Variants in PLS1 observed in about 807,000 individuals in gnomAD.
PLS1 encodes plastin 1, also known as plastin-1.
A neutral mutation model predicts 73.7 loss-of-function variants in PLS1; 32 were observed. That is an observed-to-expected ratio of 0.43 (90% CI 0.33 to 0.58). The LOEUF (loss-of-function observed/expected upper bound fraction) is 0.58, where lower values mean the gene tolerates loss of function less well. Ranked by LOEUF, PLS1 falls within the 20% of genes least tolerant of loss-of-function variation. The pLI is 0.04. For synonymous variants in PLS1, 217 were observed against 261.3 expected, an observed-to-expected ratio of 0.83 and a Z score of 1.63; for missense variants, 633 against 740.5, an observed-to-expected ratio of 0.85 and a Z score of 1.68.
At chr3:142,676,809 T>C (rs1019189113) in intron 5 of PLS1, among the ~76,000 whole-genome samples, 4 of 152,190 alleles carry the variant, frequency 2.6e-5, no homozygotes, top group Non-Finnish European at 5.9e-5. Context: ...GCATACTTCT[T>C]TGGACAAAGC....
chr3:142,702,388 A>G (rs2038349453), intron 12 of PLS1, among the ~76,000 whole-genome samples: 1 of 152,204 alleles, frequency 6.6e-6, no homozygotes, highest in African/African-American at 2.4e-5. Context: ...ATATATTTGT[A>G]CAAATTCTTT....
intron 4 of PLS1, among the ~76,000 whole-genome samples, chr3:142,674,139 GGT>G (rs2107854278): frequency 6.6e-6 from 1 of 152,084 alleles, no homozygotes; most frequent in East Asian, 1.9e-4. Context: ...ATATATTTCT[GGT>G]GGTGTGTGTA....
In PLS1 at chr3:142,686,284, G is replaced by A; in HGVS notation, c.889G>A (p.Asp297Asn). The change falls in exon 9 of 16, where the codon GAC becomes AAC. Residue 297 changes from aspartate (D) to asparagine (N), a missense_variant and splice_region_variant. Coordinates refer to ENST00000457734, the MANE Select transcript of PLS1 (RefSeq NM_001145319.2). Reference protein sequence around the residue: ...TISNFSQDIKDSRAYFHLLNQ... With the variant: ...TISNFSQDIKNSRAYFHLLNQ... ...TGCTATTTCATATCTTTCCTTGAAG[G>A]ACTCGAGAGCCTATTTTCATCTGCT... 5.7e-6 allele frequency: 9 copies of A among 1,570,386 alleles called. No individual in the cohort carries two copies. The highest frequency in any genetic ancestry group is 7.9e-6 in the Non-Finnish European group (9 of 1,141,780).
chr3:142,610,246 T>C (rs943381723), intron 1 of PLS1, among the ~76,000 whole-genome samples: 21 of 152,214 alleles, frequency 1.4e-4, no homozygotes, highest in African/African-American at 4.8e-4. Flanking sequence ...TATTCTCCAG[T>C]TCCATCAACT....
intron 1 of PLS1, among the ~76,000 whole-genome samples, chr3:142,657,945 C>A (rs995501808): frequency 6.6e-6 from 1 of 152,106 alleles, no homozygotes; most frequent in Admixed American, 6.5e-5. Context: ...AAAACATATT[C>A]TTGGTCATCT....
intron 1 of PLS1, among the ~76,000 whole-genome samples, chr3:142,612,298 C>A (rs927883582): frequency 7.2e-5 from 11 of 152,140 alleles, no homozygotes; most frequent in African/African-American, 9.7e-5. Flanking sequence ...CACTGATAAT[C>A]GGGGCAGGGC....
chr3:142,680,374 T>G (rs1353582182), intron 6 of PLS1, among the ~76,000 whole-genome samples: 2 of 152,180 alleles, frequency 1.3e-5, no homozygotes, highest in East Asian at 3.9e-4. Context: ...CAAAACTGGA[T>G]TTTTATTAAA....
intron 1 of PLS1, among the ~76,000 whole-genome samples, chr3:142,620,335 C>T (rs766794676): frequency 3.3e-5 from 5 of 152,258 alleles, no homozygotes; most frequent in South Asian, 4.1e-4. Flanking sequence ...CCATGTTGGC[C>T]AGGCTGGTCT....
intron 1 of PLS1, among the ~76,000 whole-genome samples, chr3:142,659,004 A>G (rs895221773): frequency 1.3e-5 from 2 of 152,176 alleles, no homozygotes; most frequent in African/African-American, 4.8e-5. Context: ...AGGTCACTTA[A>G]TCTCTGTAGG....
chr3:142,607,150 T>C (rs2036035355), intron 1 of PLS1, among the ~76,000 whole-genome samples: 2 of 152,200 alleles, frequency 1.3e-5, no homozygotes, highest in East Asian at 1.9e-4. Context: ...AAGTATCACA[T>C]TGTAGTGACT....
intron 1 of PLS1, among the ~76,000 whole-genome samples, chr3:142,629,422 C>T (rs970818747): frequency 6.6e-6 from 1 of 151,992 alleles, no homozygotes; most frequent in African/African-American, 2.4e-5. Flanking sequence ...AGGCTGGTCT[C>T]GAACTCCTGA....
At chr3:142,626,848 T>C (rs895052257) in intron 1 of PLS1, among the ~76,000 whole-genome samples, 11 of 152,252 alleles carry the variant, frequency 7.2e-5, no homozygotes, top group Non-Finnish European at 1.6e-4. Context: ...GGTTATATAA[T>C]CTGTTAATCC....
chr3:142,627,128 A>G (rs1443272702), intron 1 of PLS1, among the ~76,000 whole-genome samples: 1 of 152,176 alleles, frequency 6.6e-6, no homozygotes, highest in East Asian at 1.9e-4. Flanking sequence ...ACTCTGGTAG[A>G]GATCATTGTT....
intron 1 of PLS1, among the ~76,000 whole-genome samples, chr3:142,639,814 ACTTT>A (rs1316591892): frequency 2.0e-5 from 3 of 152,216 alleles, no homozygotes; most frequent in African/African-American, 7.2e-5. Flanking sequence ...ATGAATTTAA[ACTTT>A]CTAAGTGTAG....
At position 142,655,637 on chromosome 3, in the gene PLS1, G is replaced by A. The variant is rs190126771; in HGVS notation, c.-36-8565G>A. 1.5e-4 allele frequency among the ~76,000 whole-genome samples: 22 copies of A among 150,696 alleles called. 1 individual carries two copies. Among genetic ancestry groups the A allele is most frequent in the Admixed American group, 1.1e-3 (16 of 15,046 alleles). On this transcript the variant is annotated intron_variant, in intron 1 of 15. Transcript: ENST00000457734. ...CCAGGGAGGCTGAGGCAGGAAAATC[G>A]CTTGAACCTGGGAGGTGGAGGTTGC... is the stretch of plus-strand genomic sequence containing the variant.
intron 3 of PLS1, among the ~76,000 whole-genome samples, chr3:142,670,233 G>A (rs2037576004): frequency 6.6e-6 from 1 of 152,144 alleles, no homozygotes; most frequent in Admixed American, 6.6e-5. Context: ...GAATAATGTA[G>A]GAGGCAGGTA....
chr3:142,692,962 T>G (rs2038116892), intron 10 of PLS1, among the ~76,000 whole-genome samples: 1 of 152,170 alleles, frequency 6.6e-6, no homozygotes, highest in Non-Finnish European at 1.5e-5. Flanking sequence ...TTCATAGATT[T>G]AATTTGTACC....
chr3:142,616,835 C>T (rs2108555168), intron 1 of PLS1, among the ~76,000 whole-genome samples: 1 of 152,278 alleles, frequency 6.6e-6, no homozygotes, highest in Middle Eastern at 3.4e-3. Context: ...CTCCTGACCT[C>T]AGGTGATCCA....
In PLS1 at chr3:142,712,063, G is replaced by A; in HGVS notation, c.*56G>A. On this transcript the variant is annotated 3_prime_UTR_variant, in exon 16 of 16. Coordinates refer to ENST00000457734, the MANE Select transcript of PLS1 (RefSeq NM_001145319.2). ...CATATTGTATGCCTCACAGTTTACA[G>A]GATTCTGAAATGTAGTGGGTGTAAA... 4 of 1,513,726 alleles carry A rather than the reference G, an allele frequency of 2.6e-6. No homozygotes were observed. The highest frequency in any genetic ancestry group is 1.1e-5 in the South Asian group (1 of 87,548). 93.8% of individuals were successfully genotyped at this position (1,513,726 alleles called of 1,614,324 possible).
Sources: gnomAD v4.1 joint callset for allele counts (sites outside exome capture counted in the v4.1 genomes callset) on GRCh38, gnomAD v4.1.1 for gene constraint, MANE v1.5 for transcripts, NCBI Gene and HGNC (gene_info 2026-07-23, HGNC 2026-07-21) for gene names.